The following PKNOX2 variants were observed in gnomAD, a reference collection of about 807,000 sequenced individuals.
PKNOX2 encodes homeobox protein PKNOX2.
PKNOX2 carries 14 observed loss-of-function variants against 53.1 expected under a neutral mutation model. The ratio of observed to expected loss-of-function variants is 0.26; its 90% CI spans 0.17 to 0.41. The LOEUF (loss-of-function observed/expected upper bound fraction) is 0.41, where lower values mean the gene tolerates loss of function less well. Among genes scored for constraint, PKNOX2 ranks in the 10% least tolerant of loss-of-function variants. PKNOX2 has a pLI of 1.00. For synonymous variants in PKNOX2, 257 were observed against 242.8 expected (o/e 1.06, Z -0.54); for missense variants, 496 against 602.8 (o/e 0.82, Z 1.85).
At chr11:125,317,497 A>T (rs1949271503) in intron 2 of PKNOX2, among the ~76,000 whole-genome samples, 1 of 152,232 alleles carries the variant, frequency 6.6e-6, no homozygotes, top group African/African-American at 2.4e-5. Context: ...TGCAGAATGG[A>T]TGTTGTGTTA....
intron 10 of PKNOX2, among the ~76,000 whole-genome samples, chr11:125,412,826 A>G (rs1015142331): frequency 3.9e-5 from 6 of 152,216 alleles, no homozygotes; most frequent in African/African-American, 1.2e-4. Flanking sequence ...ATCCTTCTTC[A>G]GGGAGGAGAA....
intron 1 of PKNOX2, among the ~76,000 whole-genome samples, chr11:125,182,744 A>G (rs1303856780): frequency 1.3e-5 from 2 of 152,160 alleles, no homozygotes; most frequent in Non-Finnish European, 2.9e-5. Context: ...CTCCTGGCCC[A>G]TTTCATAGCA....
chr11:125,178,790 G>A (rs112349787), intron 1 of PKNOX2, among the ~76,000 whole-genome samples: 15 of 152,104 alleles, frequency 9.9e-5, no homozygotes, highest in African/African-American at 3.1e-4. Flanking sequence ...TTGGGTCAGA[G>A]CAGAAAGAGC....
At position 125,393,614 on chromosome 11, in the gene PKNOX2, G is replaced by A. The variant is rs189160278; in HGVS notation, c.400-4260G>A. On this transcript the variant is annotated intron_variant, in intron 6 of 12. Coordinates refer to ENST00000298282, the MANE Select transcript of PKNOX2 (RefSeq NM_001382323.2). Reference sequence around the variant, plus strand: ...GGTAATGTTCAGAGAGTCAGAAAACGTAAGGGACCTGACAGTCCAGCCCTC... The same window carrying A: ...GGTAATGTTCAGAGAGTCAGAAAACATAAGGGACCTGACAGTCCAGCCCTC... 8.5e-5 allele frequency among the ~76,000 whole-genome samples: 13 copies of A among 152,204 alleles called. No homozygotes were observed. In the East Asian group the frequency reaches 9.7e-4, roughly 11 times the overall value.
Position 125,166,467 on chromosome 11 carries a change from G to A in PKNOX2, c.-201+1691G>A, listed in dbSNP as rs1954885308. Among the ~76,000 whole-genome samples the A allele has an allele frequency of 6.6e-6, 1 of 152,210 alleles. No homozygotes were observed. Among genetic ancestry groups the A allele is most frequent in the South Asian group, 2.1e-4 (1 of 4,834 alleles). Reference sequence around the variant, plus strand: ...CGGACAGATCGAAGAGACCTTCTGGGCGAAGCGGCAGGGCAGCCTCGCGGG... The same window carrying A: ...CGGACAGATCGAAGAGACCTTCTGGACGAAGCGGCAGGGCAGCCTCGCGGG... On this transcript the variant is annotated intron_variant, in intron 1 of 12. Coordinates refer to ENST00000298282, the MANE Select transcript of PKNOX2 (RefSeq NM_001382323.2). The surrounding 1 kb of genome is among the most constrained non-coding windows in gnomAD (Gnocchi z 4.0).
At chr11:125,270,544 A>T (rs1277561508) in intron 2 of PKNOX2, among the ~76,000 whole-genome samples, 1 of 152,198 alleles carries the variant, frequency 6.6e-6, no homozygotes, top group African/African-American at 2.4e-5. Context: ...CAAGCTAAAA[A>T]GCCCTCATTC....
At chr11:125,292,773 C>T (rs1344325542) in intron 2 of PKNOX2, among the ~76,000 whole-genome samples, 1 of 152,062 alleles carries the variant, frequency 6.6e-6, no homozygotes, top group East Asian at 1.9e-4. Context: ...TCCCTCAGAC[C>T]GTGTCCACAT....
chr11:125,263,484 G>C (rs1043083838), intron 2 of PKNOX2, among the ~76,000 whole-genome samples: 1 of 152,234 alleles, frequency 6.6e-6, no homozygotes, highest in Non-Finnish European at 1.5e-5. Context: ...CTGGGGGAGC[G>C]TGCTAAACCT....
rs1213035676 is a variant in PKNOX2 at position 125,410,197 on chromosome 11, A to G, written c.590A>G (p.Asp197Gly). 2 of 1,613,568 alleles carry G rather than the reference A, an allele frequency of 1.2e-6. No homozygotes were observed. Among genetic ancestry groups the G allele is most frequent in the Non-Finnish European group, 1.7e-6 (2 of 1,179,848 alleles). The change falls in exon 8 of 13, where the codon GAC (aspartate) becomes GGC (glycine). Residue 197 changes from aspartate to glycine, a missense_variant and splice_region_variant. Asp to Gly is a moderately conservative substitution (Grantham distance 94). Transcript: ENST00000298282. ...NQPSINLHSQ[D>G]LLQNSPNSMS... ...AAACCACGCCTCCCTCACTGCCAGG[A>G]CCTCCTGCAGAATTCCCCCAATTCC...
intron 6 of PKNOX2, among the ~76,000 whole-genome samples, chr11:125,394,752 G>C (rs1338779028): frequency 6.6e-6 from 1 of 152,234 alleles, no homozygotes; most frequent in Non-Finnish European, 1.5e-5. Flanking sequence ...TATATTGCTT[G>C]CGTCAACATA....
intron 1 of PKNOX2, among the ~76,000 whole-genome samples, chr11:125,226,416 C>T (rs1049029174): frequency 1.8e-4 from 28 of 152,190 alleles, no homozygotes; most frequent in Non-Finnish European, 1.6e-4. Context: ...TTGTGGACTG[C>T]TACCACCTTA....
chr11:125,322,968 C>A (rs1350368219), intron 2 of PKNOX2, among the ~76,000 whole-genome samples: 2 of 152,136 alleles, frequency 1.3e-5, no homozygotes, highest in Non-Finnish European at 2.9e-5. Flanking sequence ...CAGATAACCC[C>A]AGTACATAAA....
At chr11:125,260,403 T>C (rs985491002) in intron 2 of PKNOX2, among the ~76,000 whole-genome samples, 3 of 151,884 alleles carry the variant, frequency 2.0e-5, no homozygotes, top group African/African-American at 7.3e-5. Context: ...TTCACCATGT[T>C]GTCCAGGATG....
At chr11:125,393,022 C>T (rs563834543) in intron 6 of PKNOX2, among the ~76,000 whole-genome samples, 14 of 151,102 alleles carry the variant, frequency 9.3e-5, no homozygotes, top group African/African-American at 2.7e-4. Context: ...AAAATTAGCC[C>T]GGCGTGGTGG....
intron 2 of PKNOX2, among the ~76,000 whole-genome samples, chr11:125,251,040 C>A (rs528574004): frequency 4.6e-5 from 7 of 152,216 alleles, no homozygotes; most frequent in Non-Finnish European, 8.8e-5. Context: ...CTCTGGGCTG[C>A]GGGCGCCCCT....
At chr11:125,215,636 C>T (rs1285860165) in intron 1 of PKNOX2, among the ~76,000 whole-genome samples, 1 of 150,688 alleles carries the variant, frequency 6.6e-6, no homozygotes, top group Non-Finnish European at 1.5e-5. Context: ...CCAGTAATCC[C>T]AGCTACTAGG....
chr11:125,200,518 C>T (rs1214645919), intron 1 of PKNOX2, among the ~76,000 whole-genome samples: 1 of 152,210 alleles, frequency 6.6e-6, no homozygotes. Flanking sequence ...CCATGGCTCT[C>T]CATGCACCAT....
At chr11:125,203,643 A>T (rs532451163) in intron 1 of PKNOX2, among the ~76,000 whole-genome samples, 90 of 152,082 alleles carry the variant, frequency 5.9e-4, no homozygotes, top group African/African-American at 2.0e-3. Context: ...CAAACCACAA[A>T]CCCAAATGTG....
At chr11:125,272,751 G>C (rs921184151) in intron 2 of PKNOX2, among the ~76,000 whole-genome samples, 1 of 152,136 alleles carries the variant, frequency 6.6e-6, no homozygotes, top group South Asian at 2.1e-4. Context: ...TTTTTCCCAC[G>C]GACTCCCAGT....
Sources: allele counts gnomAD v4.1 joint callset (sites outside exome capture counted in the v4.1 genomes callset), GRCh38; gene constraint gnomAD v4.1.1; non-coding constraint Gnocchi (gnomAD v3.1); transcripts MANE v1.5; gene names NCBI Gene and HGNC (gene_info 2026-07-23, HGNC 2026-07-21).